Variants in DNAH14 observed in about 807,000 individuals in gnomAD.
DNAH14 encodes axonemal beta dynein heavy chain 14.
A neutral mutation model predicts 520.9 loss-of-function variants in DNAH14; 478 were observed. The ratio of observed to expected loss-of-function variants is 0.92; its 90% CI spans 0.85 to 0.99. DNAH14 has a LOEUF of 0.99. DNAH14 is among the 50% of genes least tolerant of loss of function. The pLI is 0.00. For synonymous variants in DNAH14, 1,581 were observed against 1,757.2 expected (o/e 0.90, Z 2.51); for missense variants, 4,831 against 5,234.5 (o/e 0.92, Z 2.38).
chr1:225,146,587 G>A (rs2079967459), intron 30 of DNAH14, among the ~76,000 whole-genome samples: 1 of 152,230 alleles, frequency 6.6e-6, no homozygotes, highest in African/African-American at 2.4e-5. Flanking sequence ...GCAGCTGCGT[G>A]CTTTAGCTGG....
At chr1:225,119,522 A>T (rs1421326591) in intron 26 of DNAH14, among the ~76,000 whole-genome samples, 1 of 152,142 alleles carries the variant, frequency 6.6e-6, no homozygotes, top group Non-Finnish European at 1.5e-5. Context: ...TCAGTTTGAG[A>T]GTGTTTACAT....
At chr1:225,107,807 A>T (rs1056776307) in intron 23 of DNAH14, among the ~76,000 whole-genome samples, 10 of 152,136 alleles carry the variant, frequency 6.6e-5, no homozygotes, top group Non-Finnish European at 1.3e-4. Flanking sequence ...AACATTTGTT[A>T]TTGCCTGTCT....
At chr1:225,156,859 C>T (rs1268901681) in intron 34 of DNAH14, among the ~76,000 whole-genome samples, 2 of 136,602 alleles carry the variant, frequency 1.5e-5, no homozygotes, top group Non-Finnish European at 3.1e-5. Context: ...GGACTACAGG[C>T]GCCCGCCACT....
intron 35 of DNAH14, among the ~76,000 whole-genome samples, chr1:225,164,226 A>G (rs909820284): frequency 5.3e-5 from 8 of 152,022 alleles, no homozygotes; most frequent in Admixed American, 1.3e-4. Flanking sequence ...ATGTATTCCT[A>G]TCTTCTCACT....
chr1:225,173,741 C>A (rs77074533), intron 36 of DNAH14, among the ~76,000 whole-genome samples: 1 of 152,048 alleles, frequency 6.6e-6, no homozygotes, highest in Admixed American at 6.5e-5. Flanking sequence ...ACCATTTGAC[C>A]CAGCCATCCC....
At chr1:225,007,324 C>T (rs2064255487) in intron 9 of DNAH14, 89 bp from the exon 10 acceptor site, 1 of 1,146,670 alleles carries the variant, frequency 8.7e-7, no homozygotes, top group Non-Finnish European at 1.1e-6. Flanking sequence ...ATGGAGTCTT[C>T]TTTATGACCT....
At chr1:225,178,384 C>A (rs2083565701) in intron 36 of DNAH14, among the ~76,000 whole-genome samples, 1 of 152,164 alleles carries the variant, frequency 6.6e-6, no homozygotes, top group Admixed American at 6.5e-5. Flanking sequence ...AAAGCAGAAA[C>A]CTCTGATAAA....
chr1:225,319,966 G>A (rs546338936), intron 61 of DNAH14, among the ~76,000 whole-genome samples: 1 of 152,318 alleles, frequency 6.6e-6, no homozygotes, highest in African/African-American at 2.4e-5. Flanking sequence ...GTCAGGAGAT[G>A]ACATTAGAGA....
intron 23 of DNAH14, among the ~76,000 whole-genome samples, chr1:225,109,741 A>C (rs377631563): frequency 1.6e-4 from 25 of 152,074 alleles, no homozygotes; most frequent in African/African-American, 5.5e-4. Flanking sequence ...CCAGTGTTAC[A>C]TTGAATAACA....
Position 225,082,684 on chromosome 1 carries a change from G to T in DNAH14, c.3272G>T (p.Gly1091Val). 6.4e-7 allele frequency: 1 copy of T among 1,551,388 alleles called. No individual in the cohort carries two copies. Among genetic ancestry groups the T allele is most frequent in the Non-Finnish European group, 8.7e-7 (1 of 1,146,864 alleles). Residue 1091 changes from glycine to valine, a missense_variant, in exon 20 of 86, where the codon GGG becomes GTG. Transcript: ENST00000682510. Reference sequence around the variant, plus strand: ...TGGGAGGCTCTCCAGGAGATTATTGGGAAGTCAGTTCCGCTTGATAAAAAC... The same window carrying T: ...TGGGAGGCTCTCCAGGAGATTATTGTGAAGTCAGTTCCGCTTGATAAAAAC... ...RHWEALQEIIGKSVPLDKNCK... is the reference protein window; with the variant it reads ...RHWEALQEIIVKSVPLDKNCK...
At position 225,246,756 on chromosome 1, in the gene DNAH14, TAGGAA is replaced by T. The variant is rs1407255178; in HGVS notation, c.6749-5544_6749-5540del. On this transcript the variant is annotated intron_variant, in intron 43 of 85. Coordinates refer to ENST00000682510, the MANE Select transcript of DNAH14 (RefSeq NM_001367479.1). Reference sequence around the variant, plus strand: ...AGATGCTGGAGAGGATGTGGAGAAATAGGAACGCTTTTACACTGTTGGTGGGAGTG... The same window carrying T: ...AGATGCTGGAGAGGATGTGGAGAAATCGCTTTTACACTGTTGGTGGGAGTG... 2.0e-5 allele frequency among the ~76,000 whole-genome samples: 3 copies of T among 152,090 alleles called. No individual in the cohort carries two copies. In the East Asian group the frequency reaches 5.8e-4, roughly 29 times the overall value.
At chr1:225,063,789 C>G (rs750972463) in intron 17 of DNAH14, among the ~76,000 whole-genome samples, 3 of 151,518 alleles carry the variant, frequency 2.0e-5, no homozygotes, top group East Asian at 3.9e-4. Context: ...ATCTGAGGAG[C>G]GCTCAATGAA....
intron 46 of DNAH14, 24 bp from the exon 47 acceptor site, chr1:225,264,173 A>T: frequency 6.5e-7 from 1 of 1,536,808 alleles, no homozygotes; most frequent in Admixed American, 2.0e-5. Context: ...ACTAATTTTG[A>T]ATCCTTAAAA....
chr1:225,244,665 G>A (rs1204005175), intron 43 of DNAH14, among the ~76,000 whole-genome samples: 2 of 151,984 alleles, frequency 1.3e-5, no homozygotes, highest in African/African-American at 2.4e-5. Context: ...ATCTCTGATG[G>A]TAGTTTGTAT....
intron 81 of DNAH14, 120 bp from the exon 82 acceptor site, chr1:225,388,259 T>C (rs1467136032): frequency 1.8e-6 from 1 of 545,222 alleles, no homozygotes; most frequent in Admixed American, 2.9e-5. Context: ...GAAAAGGACA[T>C]CCTCCTGCCA....
chr1:224,954,003 T>G (rs1240634827), intron 2 of DNAH14, among the ~76,000 whole-genome samples: 1 of 151,936 alleles, frequency 6.6e-6, no homozygotes, highest in Non-Finnish European at 1.5e-5. Context: ...AAAAGATAAT[T>G]CCAAATCAGA....
At chr1:225,266,028 A>C (rs1342947494) in intron 48 of DNAH14, among the ~76,000 whole-genome samples, 1 of 152,106 alleles carries the variant, frequency 6.6e-6, no homozygotes, top group Non-Finnish European at 1.5e-5. Context: ...AAATAAATAC[A>C]GTCTAAAGGA....
In DNAH14 at chr1:225,335,545, G is replaced by GTATATACATATACATATGTACA. The variant is rs1204314432; in HGVS notation, c.10081-1710_10081-1709insACATATGTACATATATACATAT. Among the ~76,000 whole-genome samples the GTATATACATATACATATGTACA allele has an allele frequency of 2.9e-5, 2 of 70,034 alleles. 1 individual carries two copies. The highest frequency in any genetic ancestry group is 1.5e-4 in the African/African-American group (2 of 13,412). 45.9% of individuals were successfully genotyped at this position (70,034 alleles called of 152,430 possible). A position where few individuals can be genotyped will look rare whatever the true frequency, so the allele number is the denominator to read the frequency against. ...CATATATACATATGTACATATATAC[G>GTATATACATATACATATGTACA]TATATACATATGTACATCTATGTAT... is the stretch of plus-strand genomic sequence containing the variant. On this transcript the variant is annotated intron_variant, in intron 66 of 85. Coordinates refer to ENST00000682510, the MANE Select transcript of DNAH14 (RefSeq NM_001367479.1).
At position 225,392,445 on chromosome 1, in the gene DNAH14, G is replaced by A. The variant is rs547569969; in HGVS notation, c.13485G>A (p.Ala4495=). Residue 4495 remains alanine (A), a synonymous_variant, in exon 84 of 86, where the codon GCG becomes GCA. Coordinates refer to ENST00000682510, the MANE Select transcript of DNAH14 (RefSeq NM_001367479.1). ...MPKKLNIVRR[A]FKGSASSHTG... Reference sequence around the variant, plus strand: ...AGAAACTCAACATAGTCAGGAGAGCGTTTAAGGTACTGGAATACTTCAAGG... The same window carrying A: ...AGAAACTCAACATAGTCAGGAGAGCATTTAAGGTACTGGAATACTTCAAGG... The A allele has an allele frequency of 3.7e-5, 57 of 1,551,684 alleles. No homozygotes were observed. In the Admixed American group the frequency reaches 4.9e-4, roughly 13 times the overall value.
Sources: allele counts gnomAD v4.1 joint callset (sites outside exome capture counted in the v4.1 genomes callset), GRCh38; gene constraint gnomAD v4.1.1; transcripts MANE v1.5; gene names NCBI Gene and HGNC (gene_info 2026-07-23, HGNC 2026-07-21).